The following ARL15 variants were observed in gnomAD, a reference collection of about 807,000 sequenced individuals.
ARL15 encodes the protein ARF like GTPase 15, also known as ADP-ribosylation factor-like protein 15.
ARL15 carries 19 observed loss-of-function variants against 25.2 expected under a neutral mutation model. The observed-to-expected ratio is 0.75, with a 90% CI of 0.53 to 1.10. ARL15 has a LOEUF of 1.10. Ranked by LOEUF, ARL15 falls within the 50% of genes least tolerant of loss-of-function variation. ARL15 has a pLI of 0.00. For missense variants in ARL15, 220 were observed against 246.0 expected (o/e 0.89, Z 0.71); for synonymous variants, 94 against 86.8 (o/e 1.08, Z -0.46).
At chr5:54,019,164 GTT>G (rs80068965) in intron 4 of ARL15, among the ~76,000 whole-genome samples, 3 of 145,498 alleles carry the variant, frequency 2.1e-5, no homozygotes, top group South Asian at 2.2e-4. Flanking sequence ...AGATAAACAG[GTT>G]TTTTTTTTTT....
In ARL15 at chr5:53,998,406, A is replaced by G. The variant is rs190225104; in HGVS notation, c.463-111693T>C. Among the ~76,000 whole-genome samples the G allele has an allele frequency of 6.4e-4, 98 of 152,036 alleles. 2 individuals carry two copies. Among genetic ancestry groups the G allele is most frequent in the African/African-American group, 2.2e-3 (90 of 41,472 alleles). Reference sequence around the variant, plus strand: ...TTTTATCTTTCTAATCCTCCTTTCAATGTGTCACCCCTCACATCTCTTTCC... The same window carrying G: ...TTTTATCTTTCTAATCCTCCTTTCAGTGTGTCACCCCTCACATCTCTTTCC... On this transcript the variant is annotated intron_variant, in intron 4 of 4. Transcript: ENST00000504924.
chr5:54,167,273 A>C (rs1754601534), intron 2 of ARL15, among the ~76,000 whole-genome samples: 2 of 151,790 alleles, frequency 1.3e-5, no homozygotes, highest in South Asian at 4.2e-4. Flanking sequence ...TCTCTGTACA[A>C]CTCTTTTCTC....
chr5:53,927,011 T>A (rs1746053272), intron 4 of ARL15, among the ~76,000 whole-genome samples: 1 of 152,166 alleles, frequency 6.6e-6, no homozygotes, highest in Admixed American at 6.5e-5. Flanking sequence ...GTTTTAATTT[T>A]ATTTTTATTG....
At chr5:53,969,956 G>A (rs1308215568) in intron 4 of ARL15, among the ~76,000 whole-genome samples, 2 of 152,170 alleles carry the variant, frequency 1.3e-5, no homozygotes, top group East Asian at 3.9e-4. Context: ...AAATGAAAAT[G>A]TGGTTTAACT....
intron 4 of ARL15, among the ~76,000 whole-genome samples, chr5:53,895,412 T>C (rs992051776): frequency 2.0e-5 from 3 of 152,152 alleles, no homozygotes; most frequent in African/African-American, 7.2e-5. Context: ...GTTTCTTTCG[T>C]GTATGTAGAG....
chr5:53,978,043 C>T (rs1747999984), intron 4 of ARL15, among the ~76,000 whole-genome samples: 1 of 152,150 alleles, frequency 6.6e-6, no homozygotes, highest in Admixed American at 6.5e-5. Context: ...TGGTTTTAGT[C>T]TCCAGCTAAC....
intron 1 of ARL15, among the ~76,000 whole-genome samples, chr5:54,276,470 C>A (rs1456068077): frequency 6.6e-6 from 1 of 152,170 alleles, no homozygotes; most frequent in Non-Finnish European, 1.5e-5. Flanking sequence ...CTACACCCAG[C>A]ATTAGGACTA....
At chr5:54,254,202 G>A (rs987052646) in intron 1 of ARL15, among the ~76,000 whole-genome samples, 1 of 152,154 alleles carries the variant, frequency 6.6e-6, no homozygotes, top group East Asian at 1.9e-4. Flanking sequence ...CCCAAAATCA[G>A]ATAATGAAGA....
chr5:53,978,816 G>C (rs1203447783), intron 4 of ARL15, among the ~76,000 whole-genome samples: 1 of 152,050 alleles, frequency 6.6e-6, no homozygotes, highest in Non-Finnish European at 1.5e-5. Context: ...AGTGGAAGGA[G>C]AAGCACAACC....
chr5:54,090,261 T>C (rs1035119853), intron 4 of ARL15, among the ~76,000 whole-genome samples: 2 of 152,040 alleles, frequency 1.3e-5, no homozygotes, highest in African/African-American at 2.4e-5. Context: ...AACCATAGCC[T>C]CAGAGATGAG....
intron 4 of ARL15, among the ~76,000 whole-genome samples, chr5:53,937,638 T>C (rs1458471524): frequency 6.6e-6 from 1 of 152,204 alleles, no homozygotes; most frequent in Admixed American, 6.5e-5. Context: ...TACAGGTTTG[T>C]AGCCTAGGAA....
intron 4 of ARL15, among the ~76,000 whole-genome samples, chr5:53,916,966 A>G (rs1745672182): frequency 1.3e-5 from 2 of 152,224 alleles, no homozygotes; most frequent in Non-Finnish European, 2.9e-5. Flanking sequence ...GGAAATCACT[A>G]CAAAAGAAAT....
chr5:54,103,399 A>C (rs1404562295), intron 4 of ARL15, among the ~76,000 whole-genome samples: 1 of 152,116 alleles, frequency 6.6e-6, no homozygotes, highest in Non-Finnish European at 1.5e-5. Flanking sequence ...ATCTTCACTC[A>C]AAACTACTAG....
intron 4 of ARL15, among the ~76,000 whole-genome samples, chr5:53,997,576 G>GAC (rs993657756): frequency 6.6e-6 from 1 of 152,060 alleles, no homozygotes; most frequent in African/African-American, 2.4e-5. Flanking sequence ...GAATGAAAGG[G>GAC]ACCTTGGAGG....
chr5:54,178,174 G>A (rs2112420023), intron 1 of ARL15, among the ~76,000 whole-genome samples: 1 of 152,300 alleles, frequency 6.6e-6, no homozygotes, highest in Non-Finnish European at 1.5e-5. Context: ...CTTTGGCACT[G>A]GCCCCTGCAT....
intron 4 of ARL15, among the ~76,000 whole-genome samples, chr5:53,985,316 A>G (rs1355688959): frequency 6.6e-6 from 1 of 152,216 alleles, no homozygotes. Context: ...TACACAACAT[A>G]AAATTTACCA....
chr5:54,139,205 C>T (rs957178769), intron 3 of ARL15, among the ~76,000 whole-genome samples: 1 of 152,114 alleles, frequency 6.6e-6, no homozygotes, highest in Non-Finnish European at 1.5e-5. Flanking sequence ...CAGGAAGACA[C>T]CTGTACACAC....
At chr5:54,306,700 G>A (rs1035671696) in intron 1 of ARL15, among the ~76,000 whole-genome samples, 1 of 151,376 alleles carries the variant, frequency 6.6e-6, no homozygotes, top group Non-Finnish European at 1.5e-5. Context: ...CACACAATAC[G>A]TTAACATTTT....
At chr5:53,958,675 T>G (rs191621709) in intron 4 of ARL15, among the ~76,000 whole-genome samples, 114 of 152,258 alleles carry the variant, frequency 7.5e-4, no homozygotes, top group African/African-American at 2.6e-3. Context: ...TATAAGAAAC[T>G]CACTTTAGAT....
Sources: gnomAD v4.1 joint callset for allele counts (sites outside exome capture counted in the v4.1 genomes callset) on GRCh38, gnomAD v4.1.1 for gene constraint, MANE v1.5 for transcripts, NCBI Gene and HGNC (gene_info 2026-07-23, HGNC 2026-07-21) for gene names.